The following AGXT2 variants were observed in gnomAD, a reference collection of about 807,000 sequenced individuals.
The protein encoded by AGXT2 is alanine--glyoxylate aminotransferase 2, mitochondrial.
A neutral mutation model predicts 62.5 loss-of-function variants in AGXT2; 61 were observed. That is an observed-to-expected ratio of 0.98 (90% CI 0.79 to 1.21). The LOEUF is 1.21. AGXT2 is among the 50% of genes most tolerant of loss of function. The pLI, the probability that AGXT2 is intolerant of heterozygous loss-of-function variation, is 0.00. For missense variants in AGXT2, 666 were observed against 641.5 expected, an observed-to-expected ratio of 1.04 and a Z score of -0.41; for synonymous variants, 243 against 218.7, an observed-to-expected ratio of 1.11 and a Z score of -0.98.
intron 9 of AGXT2, among the ~76,000 whole-genome samples, chr5:35,022,133 A>C (rs1196700651): frequency 6.6e-6 from 1 of 152,188 alleles, no homozygotes; most frequent in African/African-American, 2.4e-5. Flanking sequence ...GTGGGACTGT[A>C]AACTAGTTCA....
chr5:35,004,157 G>A (rs1373656292), intron 12 of AGXT2, among the ~76,000 whole-genome samples: 1 of 152,210 alleles, frequency 6.6e-6, no homozygotes, highest in Non-Finnish European at 1.5e-5. Context: ...CTTTGCTAAT[G>A]GCTGCCTTGG....
intron 11 of AGXT2, among the ~76,000 whole-genome samples, chr5:35,011,052 A>T (rs1766622215): frequency 6.6e-6 from 1 of 152,178 alleles, no homozygotes; most frequent in African/African-American, 2.4e-5. Context: ...AATATACTAT[A>T]TTTTTATTTA....
At chr5:35,001,729 C>T (rs1251185119) in intron 13 of AGXT2, among the ~76,000 whole-genome samples, 1 of 152,140 alleles carries the variant, frequency 6.6e-6, no homozygotes, top group South Asian at 2.1e-4. Flanking sequence ...GTTCTTTGTA[C>T]TCTGCCACAT....
At position 34,998,687 on chromosome 5, in the gene AGXT2, G is replaced by A. The variant is rs780912593; in HGVS notation, c.*32C>T. On this transcript the variant is annotated 3_prime_UTR_variant, in exon 14 of 14. Transcript: ENST00000231420. ...CCTTGAACATACGTGGCAAATTCTT[G>A]AGACTTGTGGTTTTATTTATTTCTG... 1.3e-6 allele frequency: 2 copies of A among 1,571,600 alleles called. No individual in the cohort carries two copies. Among genetic ancestry groups the A allele is most frequent in the Non-Finnish European group, 1.7e-6 (2 of 1,143,108 alleles).
intron 7 of AGXT2, among the ~76,000 whole-genome samples, chr5:35,031,207 A>C (rs344162): frequency 0.94 from 142,780 of 152,216 alleles, 67,427 homozygotes; most frequent in Non-Finnish European, 1. Context: ...GACCTGGGGT[A>C]AAATCTTAGC....
intron 8 of AGXT2, chr5:35,026,200 GT>G: frequency 1.6e-6 from 1 of 615,256 alleles, no homozygotes. Context: ...GAGTTCGGTA[GT>G]TTCATCTGTC....
At chr5:35,018,470 G>C (rs1766935312) in intron 9 of AGXT2, among the ~76,000 whole-genome samples, 1 of 151,952 alleles carries the variant, frequency 6.6e-6, no homozygotes, top group African/African-American at 2.4e-5. Context: ...ATCCAGCCAA[G>C]CTAAGCTTCA....
At chr5:35,013,798 AAAG>A (rs201759513) in intron 10 of AGXT2, among the ~76,000 whole-genome samples, 186 bp downstream of exon 10, 13,221 of 146,290 alleles carry the variant, frequency 0.09, 1,426 homozygotes, top group African/African-American at 0.27. Context: ...AAAAAAAAAA[AAAG>A]GGCTGGCTTT....
Position 35,039,417 on chromosome 5 carries a change from T to C in AGXT2, c.269A>G (p.Gln90Arg). Reference sequence around the variant, plus strand: ...ATCAAAGAGCCACTCCATGTGCCCCTGGTGGAGCAGCAGGGGTTTCTGGAA... The same window carrying C: ...ATCAAAGAGCCACTCCATGTGCCCCCGGTGGAGCAGCAGGGGTTTCTGGAA... ...AYFQKPLLLH[Q>R]GHMEWLFDAE... Residue 90 changes from glutamine (Q) to arginine (R), a missense_variant, in exon 3 of 14, where the codon CAG becomes CGG. Physicochemically the swap from Gln to Arg is conservative, Grantham distance 43. Transcript: ENST00000231420. 1 of 1,614,128 alleles carries C rather than the reference T, an allele frequency of 6.2e-7. No homozygotes were observed. The highest frequency in any genetic ancestry group is 8.5e-7 in the Non-Finnish European group (1 of 1,179,984).
intron 9 of AGXT2, among the ~76,000 whole-genome samples, chr5:35,020,553 A>G (rs1767029134): frequency 6.6e-6 from 1 of 152,150 alleles, no homozygotes; most frequent in South Asian, 2.1e-4. Flanking sequence ...TCAATAAATT[A>G]GGTATTGATG....
rs545933350 is a variant in AGXT2, at chr5:35,014,464, A to G, written c.964-345T>C. ...TGAGACTCCATCTCAAAAAAAAAAA[A>G]AAAAAAAAGAAATGCTGTTTTCTTC... On this transcript the variant is annotated intron_variant, in intron 9 of 13. Transcript: ENST00000231420. Among the ~76,000 whole-genome samples, 127 of 151,336 alleles carry G rather than the reference A, an allele frequency of 8.4e-4. No homozygotes were observed. In the East Asian group the frequency reaches 0.018, roughly 22 times the overall value.
rs183958240 is a variant in AGXT2, at chr5:35,002,671, A to G, written c.1437+1092T>C. 1.5e-3 allele frequency among the ~76,000 whole-genome samples: 222 copies of G among 152,212 alleles called. 3 individuals carry two copies. Among genetic ancestry groups the G allele is most frequent in the Admixed American group, 8.4e-3 (129 of 15,292 alleles). On this transcript the variant is annotated intron_variant, in intron 13 of 13. Coordinates refer to ENST00000231420, the MANE Select transcript of AGXT2 (RefSeq NM_031900.4). Reference sequence around the variant, plus strand: ...AAAGAGCGCCCTCACCAGACACTGAACTTGCTGGCACCTTGATCTTGGACT... The same window carrying G: ...AAAGAGCGCCCTCACCAGACACTGAGCTTGCTGGCACCTTGATCTTGGACT...
intron 8 of AGXT2, chr5:35,026,129 C>A (rs539276450): frequency 6.7e-6 from 4 of 593,864 alleles, no homozygotes; most frequent in Non-Finnish European, 1.2e-5. Context: ...GTTCTTTGGA[C>A]AATGCGGATG....
At chr5:35,040,957 T>G (rs890531592) in intron 1 of AGXT2, among the ~76,000 whole-genome samples, 4 of 152,068 alleles carry the variant, frequency 2.6e-5, no homozygotes, top group African/African-American at 9.7e-5. Flanking sequence ...CCGTGTCGAT[T>G]CTCTCATCAG....
chr5:35,016,712 G>T (rs867422165), intron 9 of AGXT2, among the ~76,000 whole-genome samples: 1 of 152,088 alleles, frequency 6.6e-6, no homozygotes, highest in Non-Finnish European at 1.5e-5. Flanking sequence ...TTGACTTACT[G>T]ACTGTTTTGC....
At chr5:35,044,668 A>G (rs1379547231) in intron 1 of AGXT2, among the ~76,000 whole-genome samples, 2 of 152,066 alleles carry the variant, frequency 1.3e-5, no homozygotes, top group Non-Finnish European at 1.5e-5. Context: ...CCATTCCTTC[A>G]TAACCTTCCA....
At chr5:35,028,586 AG>A (rs1433772271) in intron 7 of AGXT2, among the ~76,000 whole-genome samples, 5 of 147,954 alleles carry the variant, frequency 3.4e-5, no homozygotes, top group South Asian at 2.2e-4. Flanking sequence ...AGAGAGAGAG[AG>A]AGAGAGAGAG....
chr5:35,019,079 C>A (rs1766963435), intron 9 of AGXT2, among the ~76,000 whole-genome samples: 1 of 83,814 alleles, frequency 1.2e-5, no homozygotes, highest in East Asian at 2.6e-4. Flanking sequence ...TAAAGCAAGT[C>A]CTGAGTGACC....
rs553732076 is a variant in AGXT2, at chr5:35,010,609, C to T, written c.1189-460G>A. On this transcript the variant is annotated intron_variant, in intron 11 of 13. Coordinates refer to ENST00000231420, the MANE Select transcript of AGXT2 (RefSeq NM_031900.4). ...CTGAGGCAGGAGAATTGCTTGAATC[C>T]GGGAGGAGGAGGTTGCAGTGAGCCA... Among the ~76,000 whole-genome samples, 37 of 151,996 alleles carry T rather than the reference C, an allele frequency of 2.4e-4. No individual in the cohort carries two copies. In the East Asian group the frequency reaches 2.7e-3, roughly 11 times the overall value.
Sources: allele counts gnomAD v4.1 joint callset (sites outside exome capture counted in the v4.1 genomes callset), GRCh38; gene constraint gnomAD v4.1.1; transcripts MANE v1.5; gene names NCBI Gene and HGNC (gene_info 2026-07-23, HGNC 2026-07-21).